SLC22A3: variants seen among roughly 807,000 people sequenced by gnomAD.
The protein encoded by SLC22A3 is EMT organic cation transporter 3.
A neutral mutation model predicts 59.1 loss-of-function variants in SLC22A3; 51 were observed. The observed-to-expected ratio is 0.86, with a 90% CI of 0.69 to 1.09. The LOEUF (loss-of-function observed/expected upper bound fraction) is 1.09, where lower values mean the gene tolerates loss of function less well. SLC22A3 is among the 50% of genes least tolerant of loss of function. The probability of loss-of-function intolerance (pLI) is 0.00; values close to 1 mark genes in which losing one functional copy is unlikely to be tolerated. For synonymous variants in SLC22A3, 325 were observed against 292.0 expected, an observed-to-expected ratio of 1.11 and a Z score of -1.15; for missense variants, 711 against 726.3, an observed-to-expected ratio of 0.98 and a Z score of 0.24.
At chr6:160,427,583 T>C (rs1562497207) in intron 5 of SLC22A3, among the ~76,000 whole-genome samples, 1 of 152,214 alleles carries the variant, frequency 6.6e-6, no homozygotes. Context: ...TCATATGTTA[T>C]TGATGATGAT....
intron 1 of SLC22A3, among the ~76,000 whole-genome samples, chr6:160,365,851 AG>A (rs1332892890): frequency 6.6e-6 from 1 of 152,116 alleles, no homozygotes; most frequent in African/African-American, 2.4e-5. Context: ...GTGGAAGGGG[AG>A]GTAAACACTT....
At chr6:160,404,016 A>T in intron 2 of SLC22A3, among the ~76,000 whole-genome samples, 1 of 152,064 alleles carries the variant, frequency 6.6e-6, no homozygotes, top group Non-Finnish European at 1.5e-5. Flanking sequence ...AAACAAGCCA[A>T]ATATGTCATC....
intron 1 of SLC22A3, among the ~76,000 whole-genome samples, chr6:160,351,365 T>C (rs1784655096): frequency 6.6e-6 from 1 of 152,240 alleles, no homozygotes; most frequent in Non-Finnish European, 1.5e-5. Flanking sequence ...TCCGCCCGCC[T>C]TGGCTTCCCA....
chr6:160,354,158 G>A (rs968840178), intron 1 of SLC22A3, among the ~76,000 whole-genome samples: 4 of 152,136 alleles, frequency 2.6e-5, no homozygotes, highest in Admixed American at 6.5e-5. Context: ...GGACCCACGG[G>A]TTATTTTTGG....
At chr6:160,386,909 C>T (rs566246309) in intron 1 of SLC22A3, among the ~76,000 whole-genome samples, 1 of 152,350 alleles carries the variant, frequency 6.6e-6, no homozygotes, top group South Asian at 2.1e-4. Context: ...TCACACTGCA[C>T]ACTTCCCAGG....
chr6:160,398,232 T>C (rs1341444838), intron 2 of SLC22A3, 150 bp downstream of exon 2: 3 of 638,626 alleles, frequency 4.7e-6, no homozygotes, highest in Non-Finnish European at 8.6e-6. Context: ...CCACACTTGG[T>C]TGGTTTGACT....
chr6:160,348,559 A>T lies in SLC22A3; in HGVS notation c.140A>T (p.Asp47Val). 3 of 1,548,190 alleles carry T rather than the reference A, an allele frequency of 1.9e-6. No homozygotes were observed. The highest frequency in any genetic ancestry group is 2.6e-6 in the Non-Finnish European group (3 of 1,157,062). ...VGVVFLGTQP[D>V]HYWCRGPSAA... is the part of the protein sequence containing the mutation. ...GTGGTCTTCCTGGGCACGCAGCCCGACCACTACTGGTGCCGCGGGCCAAGT... is the reference window on the plus strand; with the variant it reads ...GTGGTCTTCCTGGGCACGCAGCCCGTCCACTACTGGTGCCGCGGGCCAAGT... Residue 47 changes from aspartate to valine, a missense_variant, in exon 1 of 11, where the codon GAC becomes GTC. Transcript: ENST00000275300.
intron 5 of SLC22A3, among the ~76,000 whole-genome samples, chr6:160,416,492 G>C (rs1583493389): frequency 6.6e-6 from 1 of 151,762 alleles, no homozygotes; most frequent in South Asian, 2.1e-4. Context: ...TTATGGGTAA[G>C]TCTACAATAA....
chr6:160,358,516 T>A (rs892897191), intron 1 of SLC22A3, among the ~76,000 whole-genome samples: 2 of 152,124 alleles, frequency 1.3e-5, no homozygotes, highest in Non-Finnish European at 2.9e-5. Context: ...TCTCTGGAGC[T>A]GGTATAAACT....
chr6:160,349,545 C>T (rs939825026), intron 1 of SLC22A3, among the ~76,000 whole-genome samples: 4 of 152,150 alleles, frequency 2.6e-5, no homozygotes, highest in Admixed American at 2.0e-4. Flanking sequence ...AACGCAAATC[C>T]CCAACCCATT....
Position 160,369,089 on chromosome 6 carries a change from A to G in SLC22A3, c.429+20241A>G, listed in dbSNP as rs180896534. ...CATGTATTTCATTGTCTCCAATGCC[A>G]TAATTTCCAAGTGCCTACTTGAACA... On this transcript the variant is annotated intron_variant, in intron 1 of 10. Transcript: ENST00000275300. Among the ~76,000 whole-genome samples the G allele has an allele frequency of 1.7e-3, 259 of 152,320 alleles. 3 individuals are homozygous for G. Among genetic ancestry groups the G allele is most frequent in the African/African-American group, 6.0e-3 (250 of 41,560 alleles).
intron 5 of SLC22A3, among the ~76,000 whole-genome samples, chr6:160,412,329 C>T (rs1787288116): frequency 6.6e-6 from 1 of 152,162 alleles, no homozygotes; most frequent in South Asian, 2.1e-4. Flanking sequence ...CCCCACTGCA[C>T]TCCAGCCTGA....
At position 160,398,498 on chromosome 6, in the gene SLC22A3, T is replaced by A. The variant is rs76663990; in HGVS notation, c.533+416T>A. ...TATTCCAAATTTGTTTCACCTAATT[T>A]TTTTTTAAACGAAATCCTTGTATTT... On this transcript the variant is annotated intron_variant, in intron 2 of 10. Coordinates refer to ENST00000275300, the MANE Select transcript of SLC22A3 (RefSeq NM_021977.4). Among the ~76,000 whole-genome samples, 86 of 152,368 alleles carry A rather than the reference T, an allele frequency of 5.6e-4. No homozygotes were observed. In the East Asian group the frequency reaches 0.014, roughly 26 times the overall value.
At chr6:160,437,416 G>A (rs1788384948) in intron 7 of SLC22A3, among the ~76,000 whole-genome samples, 1 of 152,170 alleles carries the variant, frequency 6.6e-6, no homozygotes, top group Admixed American at 6.5e-5. Context: ...TCAATTGCTA[G>A]GATCATTTAT....
intron 1 of SLC22A3, among the ~76,000 whole-genome samples, chr6:160,375,412 A>C (rs1785553789): frequency 6.6e-6 from 1 of 152,000 alleles, no homozygotes. Context: ...AAGATGCATA[A>C]CTCTTGTAAT....
At chr6:160,350,526 C>A (rs1452504695) in intron 1 of SLC22A3, among the ~76,000 whole-genome samples, 1 of 152,146 alleles carries the variant, frequency 6.6e-6, no homozygotes, top group African/African-American at 2.4e-5. Context: ...GTGGCTTCTT[C>A]CACTCCACTC....
At position 160,427,343 on chromosome 6, in the gene SLC22A3, C is replaced by T. The variant is rs117780622; in HGVS notation, c.976-9437C>T. ...TCGGGACTTGCCCCAGTCACCCTTG[C>T]CCTGAGAACTCAGTGACTGGGGCTA... On this transcript the variant is annotated intron_variant, in intron 5 of 10. Coordinates refer to ENST00000275300, the MANE Select transcript of SLC22A3 (RefSeq NM_021977.4). 1.7e-3 allele frequency among the ~76,000 whole-genome samples: 252 copies of T among 152,306 alleles called. 2 individuals are homozygous for T. Among genetic ancestry groups the T allele is most frequent in the East Asian group, 0.016 (85 of 5,176 alleles).
At chr6:160,393,259 G>GTTTATTTA (rs879699002) in intron 1 of SLC22A3, among the ~76,000 whole-genome samples, 1 of 151,174 alleles carries the variant, frequency 6.6e-6, no homozygotes, top group African/African-American at 2.4e-5. Context: ...CCTCTCCTGA[G>GTTTATTTA]TTTATTTATT....
chr6:160,364,998 A>C (rs192048571), intron 1 of SLC22A3, among the ~76,000 whole-genome samples: 2 of 152,200 alleles, frequency 1.3e-5, no homozygotes, highest in Non-Finnish European at 2.9e-5. Flanking sequence ...GTAAAAAAAT[A>C]CACTTACATA....
Sources: gnomAD v4.1 joint callset for allele counts (sites outside exome capture counted in the v4.1 genomes callset) on GRCh38, gnomAD v4.1.1 for gene constraint, MANE v1.5 for transcripts, NCBI Gene and HGNC (gene_info 2026-07-23, HGNC 2026-07-21) for gene names.